Variants in HSD17B3 observed in about 807,000 individuals in gnomAD.
HSD17B3 encodes the protein 17-beta-hydroxysteroid dehydrogenase type 3.
Under a neutral mutation model 41.1 loss-of-function variants are expected in HSD17B3, and 29 were observed. The observed-to-expected ratio is 0.71, with a 90% CI of 0.53 to 0.96. HSD17B3 has a LOEUF of 0.96. Among genes scored for constraint, HSD17B3 ranks in the 40% least tolerant of loss-of-function variants. The pLI, the probability that HSD17B3 is intolerant of heterozygous loss-of-function variation, is 0.00. For missense variants in HSD17B3, 323 were observed against 374.6 expected (o/e 0.86, Z 1.14); for synonymous variants, 126 against 145.6 (o/e 0.87, Z 0.97).
chr9:96,273,393 G>A (rs1184144222), intron 2 of HSD17B3, among the ~76,000 whole-genome samples: 1 of 152,194 alleles, frequency 6.6e-6, no homozygotes, highest in Non-Finnish European at 1.5e-5. Flanking sequence ...AATTGTATCT[G>A]TGTCACCCCA....
At chr9:96,241,935 CAA>C (rs1242081306) in intron 9 of HSD17B3, among the ~76,000 whole-genome samples, 1 of 16,206 alleles carries the variant, frequency 6.2e-5, no homozygotes, top group Non-Finnish European at 1.4e-4. Context: ...GAAACCCTGT[CAA>C]AAAAAAAAAA....
intron 1 of HSD17B3, among the ~76,000 whole-genome samples, chr9:96,300,463 A>C (rs10820289): frequency 0.43 from 60,993 of 140,692 alleles, 18,065 homozygotes; most frequent in Middle Eastern, 0.55. Context: ...GTTATACTAA[A>C]AAAGTATTCC....
intron 2 of HSD17B3, among the ~76,000 whole-genome samples, chr9:96,282,010 T>G (rs1238398019): frequency 2.0e-5 from 3 of 152,220 alleles, no homozygotes; most frequent in Admixed American, 2.0e-4. Context: ...TTTGGTGTGC[T>G]TTGTGTGTCT....
chr9:96,273,860 G>C (rs1191560822), intron 2 of HSD17B3, among the ~76,000 whole-genome samples: 1 of 152,080 alleles, frequency 6.6e-6, no homozygotes, highest in African/African-American at 2.4e-5. Flanking sequence ...CATTCTCCTA[G>C]AGCCAAAGCC....
intron 2 of HSD17B3, among the ~76,000 whole-genome samples, chr9:96,297,637 G>A (rs535013217): frequency 2.6e-5 from 4 of 152,136 alleles, no homozygotes; most frequent in East Asian, 1.9e-4. Context: ...GTGAGCCACC[G>A]TGCCCAGCTG....
At chr9:96,297,341 CTTTTTTTT>C (rs71368242) in intron 2 of HSD17B3, among the ~76,000 whole-genome samples, 8 of 73,570 alleles carry the variant, frequency 1.1e-4, no homozygotes, top group African/African-American at 1.6e-4. Flanking sequence ...TTATTGATTT[CTTTTTTTT>C]TTTTTTTTTT....
intron 2 of HSD17B3, among the ~76,000 whole-genome samples, chr9:96,274,927 T>A (rs1345667401): frequency 1.3e-5 from 2 of 152,040 alleles, no homozygotes; most frequent in African/African-American, 2.4e-5. Context: ...ATCACACAAA[T>A]TAAGAATACT....
chr9:96,266,217 T>C (rs2130752751), intron 2 of HSD17B3, among the ~76,000 whole-genome samples: 1 of 152,370 alleles, frequency 6.6e-6, no homozygotes, highest in Middle Eastern at 3.4e-3. Context: ...TTTTAGCGTT[T>C]AGTTTTTTCC....
At chr9:96,288,013 T>C (rs1296778230) in intron 2 of HSD17B3, among the ~76,000 whole-genome samples, 2 of 152,112 alleles carry the variant, frequency 1.3e-5, no homozygotes, top group Non-Finnish European at 2.9e-5. Flanking sequence ...TGGATGAACC[T>C]CCAAAACAAT....
chr9:96,297,147 G>T (rs775780505), intron 2 of HSD17B3, among the ~76,000 whole-genome samples: 3 of 151,754 alleles, frequency 2.0e-5, no homozygotes, highest in Non-Finnish European at 4.4e-5. Flanking sequence ...AAACTGTTAG[G>T]TTTCAAATAT....
chr9:96,296,441 C>A (rs1587795813), intron 2 of HSD17B3, among the ~76,000 whole-genome samples: 1 of 152,178 alleles, frequency 6.6e-6, no homozygotes, highest in Admixed American at 6.5e-5. Flanking sequence ...GCTTAGGCCA[C>A]TCAGCTTATG....
At position 96,245,407 on chromosome 9, in the gene HSD17B3, T is replaced by G; in HGVS notation, c.544A>C (p.Asn182His). 1.2e-6 allele frequency: 2 copies of G among 1,614,052 alleles called. No individual in the cohort carries two copies. Among genetic ancestry groups the G allele is most frequent in the Non-Finnish European group, 1.7e-6 (2 of 1,179,918 alleles). The stretch of plus-strand genomic sequence containing the variant: ...AACAGGGCTATCCCAGAAGAAATGT[T>G]CAGGATGAGACCTTTCTGCCTGAAA... The part of the protein sequence containing the change: ...MESRQKGLIL[N>H]ISSGIALFPW... The change falls in exon 8 of 11, where the codon AAC (asparagine) becomes CAC (histidine). Residue 182 changes from asparagine to histidine, a missense_variant. By Grantham distance (68) the Asn-to-His change is moderately conservative. Transcript: ENST00000375263.
At chr9:96,243,288 G>A (rs1007639473) in intron 9 of HSD17B3, among the ~76,000 whole-genome samples, 1 of 152,238 alleles carries the variant, frequency 6.6e-6, no homozygotes, top group Admixed American at 6.5e-5. Flanking sequence ...CAGCATGGAA[G>A]CAGGACCCTC....
At chr9:96,240,136 C>T (rs941054904) in intron 10 of HSD17B3, among the ~76,000 whole-genome samples, 2 of 152,150 alleles carry the variant, frequency 1.3e-5, no homozygotes, top group African/African-American at 4.8e-5. Context: ...GGGCTTAAAA[C>T]CTAGATGACG....
At chr9:96,266,176 G>A (rs1362152292) in intron 2 of HSD17B3, among the ~76,000 whole-genome samples, 1 of 152,194 alleles carries the variant, frequency 6.6e-6, no homozygotes, top group East Asian at 1.9e-4. Flanking sequence ...GCTGCCTATT[G>A]AAATCCTTTT....
At chr9:96,241,152 G>A (rs187156533) in intron 9 of HSD17B3, among the ~76,000 whole-genome samples, 201 of 152,292 alleles carry the variant, frequency 1.3e-3, no homozygotes, top group African/African-American at 4.8e-3. Context: ...AACACACAGT[G>A]TGAATGGGAA....
chr9:96,296,972 C>A (rs897563030), intron 2 of HSD17B3, among the ~76,000 whole-genome samples: 104 of 151,496 alleles, frequency 6.9e-4, no homozygotes, highest in Non-Finnish European at 1.2e-3. Context: ...GAGGTCAAGG[C>A]TGCAGTAAGC....
chr9:96,284,137 G>T (rs964722373), intron 2 of HSD17B3, among the ~76,000 whole-genome samples: 7 of 146,272 alleles, frequency 4.8e-5, no homozygotes, highest in African/African-American at 1.8e-4. Context: ...CAGGAGAATT[G>T]CTTGAACCTG....
chr9:96,277,045 C>CA, intron 2 of HSD17B3, among the ~76,000 whole-genome samples: 1 of 151,804 alleles, frequency 6.6e-6, no homozygotes, highest in South Asian at 2.1e-4. Flanking sequence ...ACTAAAAAGA[C>CA]AAAAAATTAG....
Sources: gnomAD v4.1 joint callset for allele counts (sites outside exome capture counted in the v4.1 genomes callset) on GRCh38, gnomAD v4.1.1 for gene constraint, MANE v1.5 for transcripts, NCBI Gene and HGNC (gene_info 2026-07-23, HGNC 2026-07-21) for gene names.